MKI67: variants seen among roughly 807,000 people sequenced by gnomAD.
The protein encoded by MKI67 is proliferation marker protein Ki-67.
In MKI67, 152 loss-of-function variants were observed where a neutral mutation model predicts 233.5. The ratio of observed to expected loss-of-function variants is 0.65; its 90% CI spans 0.57 to 0.74. The LOEUF (loss-of-function observed/expected upper bound fraction) is 0.74. MKI67 is among the 30% of genes least tolerant of loss of function. MKI67 has a pLI of 0.00. For synonymous variants in MKI67, 1,465 were observed against 1,418.5 expected, an observed-to-expected ratio of 1.03 and a Z score of -0.74; for missense variants, 3,940 against 3,885.2, an observed-to-expected ratio of 1.01 and a Z score of -0.37.
rs763105252 is a variant in MKI67 at position 128,113,620 on chromosome 10, A to T, written c.1481-18T>A. 2 of 1,608,118 alleles carry T rather than the reference A, an allele frequency of 1.2e-6. No individual in the cohort carries two copies. Among genetic ancestry groups the T allele is most frequent in the African/African-American group, 1.3e-5 (1 of 74,784 alleles). On this transcript the variant is annotated intron_variant, in intron 7 of 14. Transcript: ENST00000368654. ...ACTCTCATCTAAAGTAACGGATACAAATGTGGAAAGAGCAATGAAAAAACA... is the reference window on the plus strand; with the variant it reads ...ACTCTCATCTAAAGTAACGGATACATATGTGGAAAGAGCAATGAAAAAACA...
rs140282674 is a variant in MKI67, at chr10:128,109,308, C to T, written c.2532G>A (p.Thr844=). ...AAGTCATTTTGTAGGTGTTCCTGGG[C>T]GTTTTTGCTACGTTTCCATTTTCTC... is the stretch of plus-strand genomic sequence containing the variant. The part of the protein sequence containing the change: ...CIRENGNVAK[T]PRNTYKMTSL... Residue 844 remains threonine (T), a synonymous_variant, in exon 13 of 15, where the codon ACG becomes ACA. Coordinates refer to ENST00000368654, the MANE Select transcript of MKI67 (RefSeq NM_002417.5). 70 of 1,614,122 alleles carry T rather than the reference C, an allele frequency of 4.3e-5. No homozygotes were observed. In the African/African-American group the frequency reaches 7.1e-4, roughly 16 times the overall value.
intron 5 of MKI67, among the ~76,000 whole-genome samples, chr10:128,119,016 G>A (rs1018781): frequency 6.6e-6 from 1 of 152,128 alleles, no homozygotes. Context: ...TAGACTTTTT[G>A]GCTAAAAGTG....
At chr10:128,114,625 T>C (rs1270360881) in intron 7 of MKI67, among the ~76,000 whole-genome samples, 1 of 152,252 alleles carries the variant, frequency 6.6e-6, no homozygotes, top group African/African-American at 2.4e-5. Flanking sequence ...TTATTCTCTT[T>C]TCTATTTTGT....
chr10:128,107,008 G>A lies in MKI67; in HGVS notation c.4832C>T (p.Ala1611Val), dbSNP rs1417055829. 1 of 1,614,060 alleles carries A rather than the reference G, an allele frequency of 6.2e-7. No individual in the cohort carries two copies. The highest frequency in any genetic ancestry group is 8.5e-7 in the Non-Finnish European group (1 of 1,180,022). Residue 1611 changes from alanine (A) to valine (V), a missense_variant, in exon 13 of 15, where the codon GCC becomes GTC. Transcript: ENST00000368654. ...TTGTGAAGATTTGCAGGCTACTTTG[G>A]CAGTTTTATCGTTAGTCATTGATTC... ...TEESMTNDKT[A>V]KVACKSSQPD...
Position 128,099,066 on chromosome 10 carries a change from T to C in MKI67, c.*124A>G. On this transcript the variant is annotated 3_prime_UTR_variant, in exon 15 of 15. Coordinates refer to ENST00000368654, the MANE Select transcript of MKI67 (RefSeq NM_002417.5). ...CGATTCAGACCCAGCAAATCCAAAG[T>C]TTTCTTCCCTTAAGCAGACTGACAG... 1 of 696,914 alleles carries C rather than the reference T, an allele frequency of 1.4e-6. No homozygotes were observed. The highest frequency in any genetic ancestry group is 2.3e-6 in the Non-Finnish European group (1 of 436,090). The allele number at this position is 696,914 out of a possible 1,614,324, so 43.2% of individuals were successfully genotyped here.
In MKI67 at chr10:128,102,631, A is replaced by G; in HGVS notation, c.9209T>C (p.Met3070Thr). ...EPAEELNSND[M>T]KTNKEEHKLQ... The stretch of plus-strand genomic sequence containing the variant: ...TTTGTGTTCCTCTTTGTTGGTTTTC[A>G]TGTCGTTGCTGTTCAGCTCTTCCGC... The change falls in exon 13 of 15, where the codon ATG becomes ACG. Residue 3070 changes from methionine (M) to threonine (T), a missense_variant. Met to Thr is a moderately conservative substitution (Grantham distance 81). Transcript: ENST00000368654. 6.2e-7 allele frequency: 1 copy of G among 1,614,158 alleles called. No homozygotes were observed. The highest frequency in any genetic ancestry group is 8.5e-7 in the Non-Finnish European group (1 of 1,180,030).
chr10:128,107,963 C>T lies in MKI67; in HGVS notation c.3877G>A (p.Gly1293Ser). ...GGTTTAGGCGTGTGCATGGCTTTGC[C>T]TGCTGATGGCATTAGATTCCTGCAC... is the stretch of plus-strand genomic sequence containing the variant. ...LACRNLMPSA[G>S]KAMHTPKPSV... The change falls in exon 13 of 15, where the codon GGC becomes AGC. Residue 1293 changes from glycine to serine, a missense_variant. Gly to Ser is a moderately conservative substitution (Grantham distance 56). Transcript: ENST00000368654. The T allele has an allele frequency of 6.2e-7, 1 of 1,613,760 alleles. No individual in the cohort carries two copies. Among genetic ancestry groups the T allele is most frequent in the Non-Finnish European group, 8.5e-7 (1 of 1,179,992 alleles).
chr10:128,119,393 A>C (rs1852882381), intron 4 of MKI67, 74 bp from the exon 5 acceptor site: 1 of 979,374 alleles, frequency 1.0e-6, no homozygotes. Flanking sequence ...TATCCACTTA[A>C]TGTCCAAGGA....
Position 128,102,806 on chromosome 10 carries a change from G to A in MKI67, c.9034C>T (p.Leu3012=), listed in dbSNP as rs377117187. ...KDGSVTGTKR[L]RCMPAPEEIV... ...TCCTCTGGTGCTGGCATGCAGCGCA[G>A]CCTCTTGGTTCCCGTGACGCTTCCA... Residue 3012 remains leucine (L), a synonymous_variant, in exon 13 of 15, where the codon CTG becomes TTG. Coordinates refer to ENST00000368654, the MANE Select transcript of MKI67 (RefSeq NM_002417.5). 1.9e-6 allele frequency: 3 copies of A among 1,614,228 alleles called. No homozygotes were observed. The highest frequency in any genetic ancestry group is 1.1e-5 in the South Asian group (1 of 91,088).
Position 128,108,928 on chromosome 10 carries a change from G to C in MKI67, c.2912C>G (p.Pro971Arg). ...CGTGTCTTTCATGAGTTCTGTATCA[G>C]GCAAGCTCTTGAGGTCTGTCAGGTC... The part of the protein sequence containing the change: ...MSDLTDLKSL[P>R]DTELMKDTAR... The change falls in exon 13 of 15, where the codon CCT (proline) becomes CGT (arginine). Residue 971 changes from proline (P) to arginine (R), a missense_variant. By Grantham distance (103) the Pro-to-Arg change is moderately radical. Coordinates refer to ENST00000368654, the MANE Select transcript of MKI67 (RefSeq NM_002417.5). 1.9e-6 allele frequency: 3 copies of C among 1,614,216 alleles called. No homozygotes were observed. The highest frequency in any genetic ancestry group is 1.6e-4 in the Middle Eastern group (1 of 6,062).
intron 4 of MKI67, among the ~76,000 whole-genome samples, chr10:128,122,199 T>A (rs1469237476): frequency 6.6e-6 from 1 of 152,096 alleles, no homozygotes; most frequent in Non-Finnish European, 1.5e-5. Flanking sequence ...AGGCTGGAAG[T>A]CCAAGAGCAA....
intron 6 of MKI67, 68 bp from the exon 7 acceptor site, chr10:128,116,075 T>C: frequency 1.3e-6 from 2 of 1,484,136 alleles, no homozygotes; most frequent in South Asian, 2.8e-5. Flanking sequence ...ATTTGTGGAA[T>C]TCAATATTTT....
chr10:128,102,858 C>T lies in MKI67; in HGVS notation c.8982G>A (p.Leu2994=), dbSNP rs201679974. ...CTTTGCCACCTCCCCTCTTGAAGGG[C>T]AGTGGGGGCAGGGAAGTGTTGCTTT... ...QSKSNTSLPP[L]PFKRGGGKDG... The change falls in exon 13 of 15, where the codon CTG becomes CTA. Residue 2994 remains leucine, a synonymous_variant. Coordinates refer to ENST00000368654, the MANE Select transcript of MKI67 (RefSeq NM_002417.5). The T allele has an allele frequency of 8.1e-5, 131 of 1,614,076 alleles. No individual in the cohort carries two copies. Among genetic ancestry groups the T allele is most frequent in the Non-Finnish European group, 1.1e-4 (128 of 1,180,046 alleles).
rs1427344802 is a variant in MKI67, at chr10:128,115,201, C to G, written c.1207G>C (p.Ala403Pro). Residue 403 changes from alanine to proline, a missense_variant, in exon 7 of 15, where the codon GCT (alanine) becomes CCT (proline). Coordinates refer to ENST00000368654, the MANE Select transcript of MKI67 (RefSeq NM_002417.5). ...RKLSTRNRTP[A>P]KVEDAADSAT... is the part of the protein sequence containing the mutation. The stretch of plus-strand genomic sequence containing the variant: ...GAGTCAGCTGCATCTTCAACTTTAG[C>G]TGGTGTTCGATTTCTAGTTGAAAGC... 2 of 1,614,230 alleles carry G rather than the reference C, an allele frequency of 1.2e-6. No homozygotes were observed. The highest frequency in any genetic ancestry group is 1.7e-5 in the Admixed American group (1 of 60,036).
rs1852265123 is a variant in MKI67 at position 128,098,620 on chromosome 10, A to C, written c.*570T>G. Reference sequence around the variant, plus strand: ...TCACGAGTCATTCTCCAAAGCACAAAACTTTATTTTCAGAAAGGAAAGGAC... The same window carrying C: ...TCACGAGTCATTCTCCAAAGCACAACACTTTATTTTCAGAAAGGAAAGGAC... On this transcript the variant is annotated 3_prime_UTR_variant, in exon 15 of 15. Transcript: ENST00000368654. 1 of 152,224 alleles carries C rather than the reference A, an allele frequency of 6.6e-6. No homozygotes were observed. Among genetic ancestry groups the C allele is most frequent in the African/African-American group, 2.4e-5 (1 of 41,440 alleles). 9.4% of individuals were successfully genotyped at this position (152,224 alleles called of 1,614,324 possible). A position where few individuals can be genotyped will look rare whatever the true frequency, so the allele number is the denominator to read the frequency against.
chr10:128,117,838 G>A (rs1316214919), intron 5 of MKI67, among the ~76,000 whole-genome samples: 1 of 152,080 alleles, frequency 6.6e-6, no homozygotes, highest in South Asian at 2.1e-4. Flanking sequence ...AATTGCTGTC[G>A]AATTGCTGTC....
intron 7 of MKI67, among the ~76,000 whole-genome samples, chr10:128,114,716 T>C (rs1263968316): frequency 3.9e-5 from 6 of 152,190 alleles, no homozygotes; most frequent in African/African-American, 1.4e-4. Flanking sequence ...CCTGACAACT[T>C]CCATCTCTTC....
At chr10:128,118,512 A>C (rs1317084554) in intron 5 of MKI67, among the ~76,000 whole-genome samples, 1 of 152,142 alleles carries the variant, frequency 6.6e-6, no homozygotes, top group East Asian at 1.9e-4. Context: ...GCTCATCTGA[A>C]ACTAGCTTTA....
Position 128,105,847 on chromosome 10 carries a change from C to G in MKI67, c.5993G>C (p.Arg1998Pro), listed in dbSNP as rs147296171. The change falls in exon 13 of 15, where the codon CGA becomes CCA. Residue 1998 changes from arginine to proline, a missense_variant. By Grantham distance (103) the Arg-to-Pro change is moderately radical. Coordinates refer to ENST00000368654, the MANE Select transcript of MKI67 (RefSeq NM_002417.5). Reference protein sequence around the residue: ...PVKTPTSSKQRLKISLGKVGV... With the variant: ...PVKTPTSSKQPLKISLGKVGV... ...TACTTTCCCCAAGGATATCTTGAGTCGTTGCTTGGAGCTTGTTGGGGTTTT... is the reference window on the plus strand; with the variant it reads ...TACTTTCCCCAAGGATATCTTGAGTGGTTGCTTGGAGCTTGTTGGGGTTTT... 1 of 1,613,878 alleles carries G rather than the reference C, an allele frequency of 6.2e-7. No individual in the cohort carries two copies. Among genetic ancestry groups the G allele is most frequent in the African/African-American group, 1.3e-5 (1 of 74,840 alleles).
Sources: gnomAD v4.1 joint callset for allele counts (sites outside exome capture counted in the v4.1 genomes callset) on GRCh38, gnomAD v4.1.1 for gene constraint, MANE v1.5 for transcripts, NCBI Gene and HGNC (gene_info 2026-07-23, HGNC 2026-07-21) for gene names.